MEIS2: variants seen among roughly 807,000 people sequenced by gnomAD.
MEIS2 encodes the protein homeobox protein Meis2.
Under a neutral mutation model 58.6 loss-of-function variants are expected in MEIS2, and 9 were observed. That is an observed-to-expected ratio of 0.15 (90% CI 0.09 to 0.27). The LOEUF (loss-of-function observed/expected upper bound fraction) is 0.27, where lower values mean the gene tolerates loss of function less well. Among genes scored for constraint, MEIS2 ranks in the 10% least tolerant of loss-of-function variants. MEIS2 has a pLI of 1.00. For missense variants in MEIS2, 427 were observed against 635.0 expected, an observed-to-expected ratio of 0.67 and a Z score of 3.52; for synonymous variants, 221 against 228.4, an observed-to-expected ratio of 0.97 and a Z score of 0.29.
chr15:37,096,568 T>C lies in MEIS2; in HGVS notation c.246-138A>G, dbSNP rs1046294114. 1.3e-5 allele frequency: 14 copies of C among 1,050,542 alleles called. No homozygotes were observed. In the Admixed American group the frequency reaches 3.9e-4, roughly 29 times the overall value. 65.1% of individuals were successfully genotyped at this position (1,050,542 alleles called of 1,614,324 possible). Reference sequence around the variant, plus strand: ...AGGCACGCACCACACTTTACAACCCTTCCTCCATCAGGCGAGCCTAAGCCA... The same window carrying C: ...AGGCACGCACCACACTTTACAACCCCTCCTCCATCAGGCGAGCCTAAGCCA... On this transcript the variant is annotated intron_variant, in intron 2 of 11. Transcript: ENST00000561208.
At chr15:37,099,085 G>A in intron 1 of MEIS2, 1 of 992,562 alleles carries the variant, frequency 1.0e-6, no homozygotes. Flanking sequence ...CGGCGGCAGC[G>A]GCGCAGCAGC....
chr15:36,891,953 C>A lies in MEIS2; in HGVS notation c.*220G>T. On this transcript the variant is annotated 3_prime_UTR_variant, in exon 12 of 12. Transcript: ENST00000561208. ...TAGTTATAACTCTCGGAGTCTTTTT[C>A]CAGAGGATCTTTACATGGACAGAAT... is the stretch of plus-strand genomic sequence containing the variant. 1.7e-6 allele frequency: 1 copy of A among 589,498 alleles called. No individual in the cohort carries two copies. Among genetic ancestry groups the A allele is most frequent in the Non-Finnish European group, 3.0e-6 (1 of 335,054 alleles). The allele number at this position is 589,498 out of a possible 1,614,324, so 36.5% of individuals were successfully genotyped here. A position where few individuals can be genotyped will look rare whatever the true frequency, so the allele number is the denominator to read the frequency against.
At chr15:36,972,913 T>C (rs1348979714) in intron 8 of MEIS2, 1 of 152,192 alleles carries the variant, frequency 6.6e-6, no homozygotes, top group African/African-American at 2.4e-5. Context: ...TGCTTAGGAC[T>C]AAGAAACAAT....
At position 37,095,567 on chromosome 15, in the gene MEIS2, A is replaced by G. The variant is rs775124051; in HGVS notation, c.435T>C (p.Asn145=). ...AACAAGGAACAGAGAGCCTTACCAA[A>G]TTGTCCAGCTCTGGATTTGAGGAAA... is the stretch of plus-strand genomic sequence containing the variant. ...PLFSSNPELD[N]LMIQAIQVLR... Residue 145 remains asparagine, a synonymous_variant, in exon 4 of 12, where the codon AAT becomes AAC. Coordinates refer to ENST00000561208, the MANE Select transcript of MEIS2 (RefSeq NM_170675.5). 9 of 1,613,986 alleles carry G rather than the reference A, an allele frequency of 5.6e-6. No individual in the cohort carries two copies. The African/African-American group carries it at 6.7e-5, about 12-fold the overall frequency.
intron 8 of MEIS2, among the ~76,000 whole-genome samples, chr15:36,972,172 A>G (rs2059592703): frequency 6.6e-6 from 1 of 152,234 alleles, no homozygotes; most frequent in South Asian, 2.1e-4. Context: ...TTTAAAAAAG[A>G]AAAACTTCTG....
chr15:37,025,200 T>C (rs148824496), intron 8 of MEIS2, among the ~76,000 whole-genome samples: 29 of 152,332 alleles, frequency 1.9e-4, no homozygotes, highest in Middle Eastern at 3.4e-3. Context: ...CAATGGATTA[T>C]ATGAAAACAT....
chr15:37,019,652 C>T (rs1441302962), intron 8 of MEIS2, among the ~76,000 whole-genome samples: 6 of 152,068 alleles, frequency 3.9e-5, no homozygotes, highest in East Asian at 1.9e-4. Flanking sequence ...GCATATGGCC[C>T]GTAGAGGGTA....
intron 7 of MEIS2, among the ~76,000 whole-genome samples, chr15:37,039,077 G>A (rs951822830): frequency 6.6e-6 from 1 of 152,198 alleles, no homozygotes; most frequent in African/African-American, 2.4e-5. Context: ...TTGGGGATCT[G>A]AGGTGCTGTT....
At chr15:36,950,961 T>G (rs1227175426) in intron 8 of MEIS2, among the ~76,000 whole-genome samples, 2 of 152,136 alleles carry the variant, frequency 1.3e-5, no homozygotes, top group Non-Finnish European at 2.9e-5. Flanking sequence ...TTATGTTGAC[T>G]CCTTTATGGG....
rs2055884974 is a variant in MEIS2 at position 36,892,026 on chromosome 15, T to C, written c.*147A>G. The C allele has an allele frequency of 3.7e-6, 3 of 817,034 alleles. No homozygotes were observed. Among genetic ancestry groups the C allele is most frequent in the East Asian group, 4.9e-5 (2 of 41,166 alleles). The allele number at this position is 817,034 out of a possible 1,614,324, so 50.6% of individuals were successfully genotyped here. A position where few individuals can be genotyped will look rare whatever the true frequency, so the allele number is the denominator to read the frequency against. ...CACATTTGTGTTCTTGTTGCATTGG[T>C]CCTCTGTTGCTTGATGAAAAATGAC... is the stretch of plus-strand genomic sequence containing the variant. On this transcript the variant is annotated 3_prime_UTR_variant, in exon 12 of 12. Coordinates refer to ENST00000561208, the MANE Select transcript of MEIS2 (RefSeq NM_170675.5).
chr15:36,967,230 A>T (rs534752439), intron 8 of MEIS2, among the ~76,000 whole-genome samples: 1 of 152,304 alleles, frequency 6.6e-6, no homozygotes, highest in Admixed American at 6.5e-5. Context: ...AGTATTTGTA[A>T]ATATAAATAT....
chr15:37,093,463 A>C, intron 6 of MEIS2, 118 bp downstream of exon 6: 1 of 1,264,006 alleles, frequency 7.9e-7, no homozygotes, highest in Non-Finnish European at 1.1e-6. Flanking sequence ...AAAAGACCCC[A>C]AAAGAGACGG....
intron 9 of MEIS2, among the ~76,000 whole-genome samples, chr15:36,947,458 T>C (rs2058608204): frequency 6.6e-6 from 1 of 152,030 alleles, no homozygotes; most frequent in African/African-American, 2.4e-5. Context: ...TCTCATCAAG[T>C]GCGTGAAGCC....
At chr15:36,911,031 C>T (rs1198181334) in intron 9 of MEIS2, among the ~76,000 whole-genome samples, 2 of 138,040 alleles carry the variant, frequency 1.4e-5, no homozygotes, top group Non-Finnish European at 3.1e-5. Flanking sequence ...GGTGACAGAG[C>T]GCGACTCTGT....
At chr15:37,060,153 C>T (rs1388158850) in intron 7 of MEIS2, among the ~76,000 whole-genome samples, 1 of 152,030 alleles carries the variant, frequency 6.6e-6, no homozygotes, top group Non-Finnish European at 1.5e-5. Context: ...GTTGCCCAGA[C>T]TAGTCTTGAA....
intron 7 of MEIS2, among the ~76,000 whole-genome samples, chr15:37,074,930 C>A (rs1460966817): frequency 6.6e-6 from 1 of 151,936 alleles, no homozygotes; most frequent in African/African-American, 2.4e-5. Context: ...GCTTGCATCA[C>A]CAAAAATAAT....
At chr15:36,977,167 G>C (rs2059787134) in intron 8 of MEIS2, among the ~76,000 whole-genome samples, 1 of 141,166 alleles carries the variant, frequency 7.1e-6, no homozygotes, top group Non-Finnish European at 1.5e-5. Context: ...CAGGGGAGGT[G>C]TGGTAAGTGT....
chr15:37,051,763 G>A (rs1329678912), intron 7 of MEIS2, among the ~76,000 whole-genome samples: 2 of 152,154 alleles, frequency 1.3e-5, no homozygotes, highest in African/African-American at 4.8e-5. Context: ...AGTAACTGCA[G>A]CAAAGTTCTG....
intron 7 of MEIS2, among the ~76,000 whole-genome samples, chr15:37,068,979 T>A (rs542134622): frequency 6.6e-6 from 1 of 152,356 alleles, no homozygotes; most frequent in South Asian, 2.1e-4. Flanking sequence ...TACCAATGTA[T>A]AAAAGTACCA....
Sources: gnomAD v4.1 joint callset for allele counts (sites outside exome capture counted in the v4.1 genomes callset) on GRCh38, gnomAD v4.1.1 for gene constraint, MANE v1.5 for transcripts, NCBI Gene and HGNC (gene_info 2026-07-23, HGNC 2026-07-21) for gene names.